Variants in SNX8 observed in about 807,000 individuals in gnomAD.
SNX8 encodes sorting nexin-8.
SNX8 carries 25 observed loss-of-function variants against 51.6 expected under a neutral mutation model. That is an observed-to-expected ratio of 0.48 (90% CI 0.35 to 0.68). SNX8 has a LOEUF of 0.68. Among genes scored for constraint, SNX8 ranks in the 30% least tolerant of loss-of-function variants. The pLI is 0.00. For synonymous variants in SNX8, 324 were observed against 277.0 expected (o/e 1.17, Z -1.68); for missense variants, 695 against 624.0 (o/e 1.11, Z -1.21).
intron 1 of SNX8, among the ~76,000 whole-genome samples, chr7:2,286,916 A>C (rs868263858): frequency 6.6e-6 from 1 of 151,514 alleles, no homozygotes; most frequent in Non-Finnish European, 1.5e-5. Flanking sequence ...TGAGGTGGGC[A>C]GATCATGAGG....
upstream of SNX8, among the ~76,000 whole-genome samples, chr7:2,318,639 G>A (rs1435972436): frequency 2.6e-5 from 4 of 151,834 alleles, no homozygotes; most frequent in East Asian, 5.8e-4. Context: ...ATGTTGCAGT[G>A]ACCTGAGATT....
chr7:2,322,088 T>C (rs1778529169), intron 1 of SNX8, among the ~76,000 whole-genome samples: 1 of 152,216 alleles, frequency 6.6e-6, no homozygotes, highest in South Asian at 2.1e-4. Flanking sequence ...CGATGGTTAA[T>C]CTGTTTTTTT....
At chr7:2,285,101 A>C (rs1795994815) in intron 1 of SNX8, among the ~76,000 whole-genome samples, 1 of 151,252 alleles carries the variant, frequency 6.6e-6, no homozygotes, top group South Asian at 2.1e-4. Context: ...AGTCCCAGCT[A>C]CTCGGGAGTC....
At chr7:2,352,745 A>G (rs991662089) in intron 1 of SNX8, among the ~76,000 whole-genome samples, 2 of 152,106 alleles carry the variant, frequency 1.3e-5, no homozygotes, top group African/African-American at 4.8e-5. Flanking sequence ...CTGAGGCAAG[A>G]GAATGGCGTG....
chr7:2,313,134 C>T (rs1325146293), intron 1 of SNX8, among the ~76,000 whole-genome samples: 2 of 151,848 alleles, frequency 1.3e-5, no homozygotes, highest in Non-Finnish European at 2.9e-5. Flanking sequence ...CTCCTGACCT[C>T]GTGATCCGCC....
Position 2,253,890 on chromosome 7 carries a change from G to A in SNX8, c.*1166C>T, listed in dbSNP as rs183951601. The stretch of plus-strand genomic sequence containing the variant: ...AGGGACCTCGGAAACCCTGGAGCCC[G>A]GCGGGCCTCTTCCAGCACCCCTCCC... On this transcript the variant is annotated 3_prime_UTR_variant, in exon 11 of 11. Coordinates refer to ENST00000222990, the MANE Select transcript of SNX8 (RefSeq NM_013321.4). 3.8e-4 allele frequency: 58 copies of A among 152,366 alleles called. No homozygotes were observed. Among genetic ancestry groups the A allele is most frequent in the African/African-American group, 1.2e-3 (48 of 41,558 alleles). 9.4% of individuals were successfully genotyped at this position (152,366 alleles called of 1,614,324 possible). A position where few individuals can be genotyped will look rare whatever the true frequency, so the allele number is the denominator to read the frequency against.
At chr7:2,304,037 G>A (rs1023490492) in intron 1 of SNX8, among the ~76,000 whole-genome samples, 3 of 151,112 alleles carry the variant, frequency 2.0e-5, no homozygotes, top group African/African-American at 7.3e-5. Flanking sequence ...CGTGGTGGCG[G>A]GCGCCTGTAG....
intron 1 of SNX8, among the ~76,000 whole-genome samples, chr7:2,345,442 C>T (rs894050383): frequency 7.2e-5 from 11 of 152,138 alleles, no homozygotes; most frequent in African/African-American, 2.7e-4. Context: ...CTTTGGGAGG[C>T]TGAGGCAGGC....
intron 1 of SNX8, among the ~76,000 whole-genome samples, chr7:2,336,883 C>T (rs1778839952): frequency 6.6e-6 from 1 of 151,430 alleles, no homozygotes; most frequent in Non-Finnish European, 1.5e-5. Context: ...GTGATGCATG[C>T]CTGTAATCCC....
chr7:2,339,762 C>G (rs1022503350), intron 1 of SNX8, among the ~76,000 whole-genome samples: 17 of 151,964 alleles, frequency 1.1e-4, no homozygotes, highest in Non-Finnish European at 1.3e-4. Context: ...AATTATTATG[C>G]TATAATATTT....
upstream of SNX8, among the ~76,000 whole-genome samples, chr7:2,315,658 GCATT>G (rs1409831050): frequency 7.0e-6 from 1 of 143,820 alleles, no homozygotes; most frequent in East Asian, 2.1e-4. Flanking sequence ...ACTGCATCCT[GCATT>G]CATTCATTCA....
At chr7:2,303,646 T>C (rs1562448554) in intron 1 of SNX8, among the ~76,000 whole-genome samples, 1 of 152,198 alleles carries the variant, frequency 6.6e-6, no homozygotes, top group Non-Finnish European at 1.5e-5. Context: ...TGTTGATCTG[T>C]GACCTTACCA....
At chr7:2,263,848 G>C (rs1446925217) in intron 6 of SNX8, among the ~76,000 whole-genome samples, 1 of 152,158 alleles carries the variant, frequency 6.6e-6, no homozygotes, top group Non-Finnish European at 1.5e-5. Context: ...GAGTAGCTGA[G>C]ATGACAGGCA....
At chr7:2,351,628 T>A (rs13310917) in intron 1 of SNX8, among the ~76,000 whole-genome samples, 156 of 151,298 alleles carry the variant, frequency 1.0e-3, no homozygotes, top group African/African-American at 3.3e-3. Context: ...GTCAGGAGAG[T>A]GAGACCATCC....
chr7:2,275,273 T>C (rs2115130227), intron 2 of SNX8, 44 bp from the exon 3 acceptor site: 1 of 1,333,870 alleles, frequency 7.5e-7, no homozygotes, highest in Non-Finnish European at 1.1e-6. Context: ...TTGGAAACTA[T>C]GCTGTCGCGT....
chr7:2,287,140 A>AAAT (rs969015403), intron 1 of SNX8, among the ~76,000 whole-genome samples: 1 of 151,386 alleles, frequency 6.6e-6, no homozygotes, highest in Non-Finnish European at 1.5e-5. Flanking sequence ...TCTGTCTCAA[A>AAAT]AATAATAATA....
At chr7:2,314,682 G>T (rs539122268), upstream of SNX8, among the ~76,000 whole-genome samples, 1 of 152,286 alleles carries the variant, frequency 6.6e-6, no homozygotes, top group East Asian at 1.9e-4. Context: ...CCCTCAGGTT[G>T]GACCTCCGGA....
chr7:2,262,993 C>T (rs1426884986), intron 7 of SNX8, among the ~76,000 whole-genome samples: 1 of 152,266 alleles, frequency 6.6e-6, no homozygotes, highest in East Asian at 1.9e-4. Flanking sequence ...GTGGTGGACA[C>T]CTGTAATCCC....
intron 1 of SNX8, among the ~76,000 whole-genome samples, chr7:2,323,277 C>T (rs1360472162): frequency 7.3e-6 from 1 of 137,596 alleles, no homozygotes; most frequent in Admixed American, 8.0e-5. Context: ...TTGCAGTGAG[C>T]TGAGATTGTG....
Sources: gnomAD v4.1 joint callset for allele counts (sites outside exome capture counted in the v4.1 genomes callset) on GRCh38, gnomAD v4.1.1 for gene constraint, MANE v1.5 for transcripts, NCBI Gene and HGNC (gene_info 2026-07-23, HGNC 2026-07-21) for gene names.